The following RARG variants were observed in gnomAD, a reference collection of about 807,000 sequenced individuals.
RARG encodes the protein retinoic acid receptor gamma.
RARG carries 17 observed loss-of-function variants against 43.7 expected under a neutral mutation model. The ratio of observed to expected loss-of-function variants is 0.39; its 90% CI spans 0.27 to 0.58. RARG has a LOEUF of 0.58. Among genes scored for constraint, RARG ranks in the 20% least tolerant of loss-of-function variants. RARG has a pLI of 0.57. For missense variants in RARG, 346 were observed against 598.7 expected (o/e 0.58, Z 4.40); for synonymous variants, 238 against 236.4 (o/e 1.01, Z -0.06).
Position 53,213,144 on chromosome 12 carries a change from G to C in RARG, c.1118C>G (p.Pro373Arg). The C allele has an allele frequency of 6.2e-7, 1 of 1,614,182 alleles. No homozygotes were observed. The highest frequency in any genetic ancestry group is 8.5e-7 in the Non-Finnish European group (1 of 1,180,020). Residue 373 changes from proline (P) to arginine (R), a missense_variant, in exon 9 of 10, where the codon CCC becomes CGC. By Grantham distance (103) the Pro-to-Arg change is moderately radical. Coordinates refer to ENST00000425354, the MANE Select transcript of RARG (RefSeq NM_000966.6). This position sits in a 1 kb window ranked among gnomAD's most constrained non-coding sequence, Gnocchi z 4.7. ...LYARRRRPSQ[P>R]YMFPRMLMKI... ...CATTAGCATCCTTGGGAACATGTAG[G>C]GCTGGCTGGGCCGCCGGCGCCGGGC... is the stretch of plus-strand genomic sequence containing the variant.
Position 53,213,790 on chromosome 12 carries a change from A to C in RARG, c.814-90T>G. 1 of 1,345,750 alleles carries C rather than the reference A, an allele frequency of 7.4e-7. No homozygotes were observed. Among genetic ancestry groups the C allele is most frequent in the Non-Finnish European group, 1.0e-6 (1 of 960,228 alleles). 83.4% of individuals were successfully genotyped at this position (1,345,750 alleles called of 1,614,324 possible). On this transcript the variant is annotated intron_variant, in intron 7 of 9. Transcript: ENST00000425354. The surrounding 1 kb of genome is among the most constrained non-coding windows in gnomAD (Gnocchi z 4.7). Reference sequence around the variant, plus strand: ...TGGAAAGTGAGGAGGTTAGGTCCCCAGTGAGTGCAACCTGAAGCAGGCATG... The same window carrying C: ...TGGAAAGTGAGGAGGTTAGGTCCCCCGTGAGTGCAACCTGAAGCAGGCATG...
At chr12:53,214,877 G>C (rs564587042) in intron 5 of RARG, 20 of 451,368 alleles carry the variant, frequency 4.4e-5, no homozygotes, top group African/African-American at 1.2e-4. Context: ...GCTGGGGGAG[G>C]GGGGGCAGGA....
intron 3 of RARG, among the ~76,000 whole-genome samples, chr12:53,222,346 C>T (rs1353737785): frequency 6.6e-6 from 1 of 152,104 alleles, no homozygotes; most frequent in Non-Finnish European, 1.5e-5. Flanking sequence ...CAGAATCTGA[C>T]CAGCAGCAAA....
In RARG at chr12:53,215,593, A is replaced by G. The variant is rs1942737524; in HGVS notation, c.333+53T>C. ...ACAGCATCTGTGTGCCTGGTCTCTC[A>G]TCTTACTAGGGTAACTGGATCCCCC... On this transcript the variant is annotated intron_variant, in intron 4 of 9. Coordinates refer to ENST00000425354, the MANE Select transcript of RARG (RefSeq NM_000966.6). This position sits in a 1 kb window ranked among gnomAD's most constrained non-coding sequence, Gnocchi z 6.4. 6.3e-7 allele frequency: 1 copy of G among 1,591,492 alleles called. No individual in the cohort carries two copies. Among genetic ancestry groups the G allele is most frequent in the East Asian group, 2.2e-5 (1 of 44,612 alleles).
chr12:53,211,607 C>T lies in RARG; in HGVS notation c.*69G>A, dbSNP rs566018470. ...GAGCAGGTCCTCCCCCAGTCACTGG[C>T]GGTCTGGGAGATGGTCAGTCTGCTG... On this transcript the variant is annotated 3_prime_UTR_variant, in exon 10 of 10. Transcript: ENST00000425354. The surrounding 1 kb of genome is among the most constrained non-coding windows in gnomAD (Gnocchi z 4.6). 7.8e-6 allele frequency: 10 copies of T among 1,284,946 alleles called. No individual in the cohort carries two copies. The East Asian group carries it at 1.5e-4, about 20-fold the overall frequency. 79.6% of individuals were successfully genotyped at this position (1,284,946 alleles called of 1,614,324 possible).
Position 53,211,570 on chromosome 12 carries a change from G to C in RARG, c.*106C>G. 9.2e-7 allele frequency: 1 copy of C among 1,082,488 alleles called. No homozygotes were observed. The highest frequency in any genetic ancestry group is 1.2e-6 in the Non-Finnish European group (1 of 813,442). 67.1% of individuals were successfully genotyped at this position (1,082,488 alleles called of 1,614,324 possible). On this transcript the variant is annotated 3_prime_UTR_variant, in exon 10 of 10. Coordinates refer to ENST00000425354, the MANE Select transcript of RARG (RefSeq NM_000966.6). This position sits in a 1 kb window ranked among gnomAD's most constrained non-coding sequence, Gnocchi z 4.6. The stretch of plus-strand genomic sequence containing the variant: ...AAACAAGGAGCTCATTGGAAGGGGT[G>C]GGGAGAGGGCAGAGCAGGTCCTCCC...
At chr12:53,218,261 G>A (rs558719904) in intron 3 of RARG, among the ~76,000 whole-genome samples, 5 of 152,204 alleles carry the variant, frequency 3.3e-5, no homozygotes, top group South Asian at 2.1e-4. Flanking sequence ...AAGTGTGTGC[G>A]GGCAGGCCTG....
At chr12:53,222,016 G>T (rs1042077032) in intron 3 of RARG, among the ~76,000 whole-genome samples, 2 of 151,812 alleles carry the variant, frequency 1.3e-5, no homozygotes, top group African/African-American at 4.8e-5. Context: ...GGGCGCGGGG[G>T]AGGGGCGGGG....
intron 3 of RARG, among the ~76,000 whole-genome samples, chr12:53,223,614 G>A (rs967109524): frequency 3.8e-4 from 58 of 151,532 alleles, no homozygotes; most frequent in African/African-American, 1.3e-3. Context: ...AGGAGAGACC[G>A]GGGAGGGGAG....
chr12:53,222,813 A>G (rs76634429), intron 3 of RARG, among the ~76,000 whole-genome samples: 4,316 of 149,000 alleles, frequency 0.029, 117 homozygotes, highest in South Asian at 0.1. Flanking sequence ...TCTTTTCCCC[A>G]AAGTTTCCCC....
chr12:53,213,728 G>GTGCTGTT lies in RARG; in HGVS notation c.814-35_814-29dup. On this transcript the variant is annotated intron_variant, in intron 7 of 9. Coordinates refer to ENST00000425354, the MANE Select transcript of RARG (RefSeq NM_000966.6). This position sits in a 1 kb window ranked among gnomAD's most constrained non-coding sequence, Gnocchi z 4.7. ...GGAGGTGGGGGGTGGAGGAGGGTTA[G>GTGCTGTT]TGCTGTTTCTGGGGGATGGGGAAAA... is the stretch of plus-strand genomic sequence containing the variant. 2 of 1,573,476 alleles carry GTGCTGTT rather than the reference G, an allele frequency of 1.3e-6. No individual in the cohort carries two copies. The highest frequency in any genetic ancestry group is 2.7e-5 in the African/African-American group (2 of 74,126).
chr12:53,221,133 A>G (rs1317717052), intron 3 of RARG, among the ~76,000 whole-genome samples: 1 of 17,868 alleles, frequency 5.6e-5, no homozygotes, highest in South Asian at 1.2e-3. Context: ...CACCCCGCCC[A>G]GGCCGTCTTC....
At chr12:53,220,398 TGGGGGGTGGGGCTTGGAGAGCGAA>T in intron 3 of RARG, 3 of 25,910 alleles carry the variant, frequency 1.2e-4, no homozygotes, top group African/African-American at 2.1e-4. Flanking sequence ...CCTGGAGGGG[TGGGGGGTGGGGCTTGGAGAGCGAA>T]GGGGGCCGGG....
chr12:53,230,309 G>A (rs901449574), intron 2 of RARG, among the ~76,000 whole-genome samples: 2 of 151,912 alleles, frequency 1.3e-5, no homozygotes, highest in African/African-American at 4.8e-5. Flanking sequence ...TTGAGGGGAG[G>A]GCATGGATGA....
Position 53,216,821 on chromosome 12 carries a change from A to AGTGTGTGTGT in RARG, c.185-1037_185-1028dup, listed in dbSNP as rs35354918. Among the ~76,000 whole-genome samples, 440 of 144,198 alleles carry AGTGTGTGTGT rather than the reference A, an allele frequency of 3.1e-3. 4 individuals are homozygous for AGTGTGTGTGT. The highest frequency in any genetic ancestry group is 0.011 in the Middle Eastern group (3 of 276). 94.6% of individuals were successfully genotyped at this position (144,198 alleles called of 152,430 possible). A position where few individuals can be genotyped will look rare whatever the true frequency, so the allele number is the denominator to read the frequency against. On this transcript the variant is annotated intron_variant, in intron 3 of 9. Coordinates refer to ENST00000425354, the MANE Select transcript of RARG (RefSeq NM_000966.6). The stretch of plus-strand genomic sequence containing the variant: ...GCTCTGTTCAAAAGGCTGCTGGGTA[A>AGTGTGTGTGT]GTGTGTGTGTGTGTGTGTGTGCGCG...
intron 3 of RARG, among the ~76,000 whole-genome samples, chr12:53,224,714 C>T (rs75407556): frequency 0.032 from 4,894 of 151,662 alleles, 248 homozygotes; most frequent in African/African-American, 0.11. Flanking sequence ...CAAGCCTTCC[C>T]CTCCTCCCTC....
intron 3 of RARG, chr12:53,220,563 T>G: frequency 2.7e-4 from 62 of 231,192 alleles, no homozygotes; most frequent in East Asian, 4.2e-4. Flanking sequence ...AATTTGCAAA[T>G]ATGCAAGAGT....
chr12:53,214,352 T>A, intron 6 of RARG, 94 bp downstream of exon 6: 1 of 1,545,716 alleles, frequency 6.5e-7, no homozygotes, highest in Admixed American at 1.7e-5. Flanking sequence ...CTCCTTGTCC[T>A]CAGCACCAGT....
chr12:53,231,511 C>G (rs969037609), intron 1 of RARG: 1 of 152,298 alleles, frequency 6.6e-6, no homozygotes, highest in African/African-American at 2.4e-5. Context: ...TGCCTCTGGA[C>G]GTTTTCCTTG....
Sources: allele counts gnomAD v4.1 joint callset (sites outside exome capture counted in the v4.1 genomes callset), GRCh38; gene constraint gnomAD v4.1.1; non-coding constraint Gnocchi (gnomAD v3.1); transcripts MANE v1.5; gene names NCBI Gene and HGNC (gene_info 2026-07-23, HGNC 2026-07-21).